The following CFLAR variants were observed in gnomAD, a reference collection of about 807,000 sequenced individuals.
The protein encoded by CFLAR is CASP8 and FADD like apoptosis regulator.
Under a neutral mutation model 51.1 loss-of-function variants are expected in CFLAR, and 14 were observed. That is an observed-to-expected ratio of 0.27 (90% CI 0.18 to 0.43). CFLAR has a LOEUF of 0.43. CFLAR is among the 20% of genes least tolerant of loss of function. The pLI is 1.00. For missense variants in CFLAR, 390 were observed against 566.5 expected, an observed-to-expected ratio of 0.69 and a Z score of 3.16; for synonymous variants, 210 against 211.6, an observed-to-expected ratio of 0.99 and a Z score of 0.06.
chr2:201,127,146 G>A (rs867908950), intron 1 of CFLAR, among the ~76,000 whole-genome samples: 2 of 152,180 alleles, frequency 1.3e-5, no homozygotes, highest in Non-Finnish European at 2.9e-5. Context: ...CACTTGGGGG[G>A]AGAAATGAAG....
chr2:201,129,812 T>A lies in CFLAR; in HGVS notation c.-54T>A. 1 of 1,527,004 alleles carries A rather than the reference T, an allele frequency of 6.5e-7. No homozygotes were observed. Among genetic ancestry groups the A allele is most frequent in the South Asian group, 1.2e-5 (1 of 81,358 alleles). The allele number at this position is 1,527,004 out of a possible 1,614,324, so 94.6% of individuals were successfully genotyped here. ...GACTGCCTGCTGGCTTTCTGTTGAC[T>A]GGCCCGGAGCTGTACTGCAAGACCC... On this transcript the variant is annotated 5_prime_UTR_variant, in exon 2 of 10. Coordinates refer to ENST00000309955, the MANE Select transcript of CFLAR (RefSeq NM_003879.7).
In CFLAR at chr2:201,138,730, A is replaced by G; in HGVS notation, c.524-1627A>G. Reference sequence around the variant, plus strand: ...GGGTGTGTGATAAAGCCCGGTTCAAACTTCTTGACCTTCTGCACCTCACTG... The same window carrying G: ...GGGTGTGTGATAAAGCCCGGTTCAAGCTTCTTGACCTTCTGCACCTCACTG... On this transcript the variant is annotated intron_variant, in intron 4 of 9. Transcript: ENST00000309955. The surrounding 1 kb of genome is among the most constrained non-coding windows in gnomAD (Gnocchi z 4.0). 1.3e-6 allele frequency: 1 copy of G among 787,096 alleles called. No individual in the cohort carries two copies. The highest frequency in any genetic ancestry group is 2.3e-6 in the Non-Finnish European group (1 of 436,016). 48.8% of individuals were successfully genotyped at this position (787,096 alleles called of 1,614,324 possible). A position where few individuals can be genotyped will look rare whatever the true frequency, so the allele number is the denominator to read the frequency against.
chr2:201,140,456 C>T lies in CFLAR; in HGVS notation c.606+17C>T. 6.4e-7 allele frequency: 1 copy of T among 1,564,742 alleles called. No homozygotes were observed. Among genetic ancestry groups the T allele is most frequent in the Non-Finnish European group, 8.6e-7 (1 of 1,156,268 alleles). On this transcript the variant is annotated intron_variant, in intron 5 of 9. Transcript: ENST00000309955. ...AACTTCAGGGTGAGTCTGGAGAAAA[C>T]ATATGGAATCCCAGCATGAAACCGT...
chr2:201,130,176 T>A, intron 2 of CFLAR, 30 bp downstream of exon 2: 1 of 66,722 alleles, frequency 1.5e-5, no homozygotes, highest in Non-Finnish European at 3.4e-5. Context: ...TGAGGCTGGG[T>A]GGGTGGGAGG....
At chr2:201,163,364 C>T (rs1362072297) in intron 9 of CFLAR, 15 of 1,155,670 alleles carry the variant, frequency 1.3e-5, no homozygotes, top group Non-Finnish European at 1.6e-5. Flanking sequence ...ACTCTAATTA[C>T]AATTTAGAAT....
chr2:201,145,822 A>G lies in CFLAR; in HGVS notation c.661+390A>G, dbSNP rs182810391. The stretch of plus-strand genomic sequence containing the variant: ...AAGTTCTTGTCTTACAGCCTATTTA[A>G]TAAATCTGGATACTCTACAGATGAT... On this transcript the variant is annotated intron_variant, in intron 6 of 9. Transcript: ENST00000309955. 6.1e-4 allele frequency: 103 copies of G among 168,596 alleles called. 2 individuals are homozygous for G. In the East Asian group the frequency reaches 0.016, roughly 27 times the overall value. The allele number at this position is 168,596 out of a possible 1,614,324, so 10.4% of individuals were successfully genotyped here.
At chr2:201,162,221 G>A (rs1290572221) in intron 9 of CFLAR, among the ~76,000 whole-genome samples, 3 of 152,048 alleles carry the variant, frequency 2.0e-5, no homozygotes, top group South Asian at 2.1e-4. Context: ...TCCTGCCTCA[G>A]TCTCCTGAGT....
intron 1 of CFLAR, among the ~76,000 whole-genome samples, chr2:201,129,125 G>C (rs890085693): frequency 3.3e-5 from 5 of 152,142 alleles, no homozygotes; most frequent in African/African-American, 1.2e-4. Flanking sequence ...TCATGATGTT[G>C]TGAAAAGGGC....
At position 201,166,481 on chromosome 2, in the gene CFLAR, G is replaced by C. The variant is rs9277311; in HGVS notation, c.*2508G>C. On this transcript the variant is annotated 3_prime_UTR_variant, in exon 10 of 10. Coordinates refer to ENST00000309955, the MANE Select transcript of CFLAR (RefSeq NM_003879.7). ...CAGAGAAGCTCCTCACATCCCAGAC[G>C]GGGGGGCGGGGCAGAGGCGCTCCCC... The C allele has an allele frequency of 1.1e-4, 18 of 168,126 alleles. No individual in the cohort carries two copies. The highest frequency in any genetic ancestry group is 2.5e-4 in the Admixed American group (4 of 15,730). The allele number at this position is 168,126 out of a possible 1,614,324, so 10.4% of individuals were successfully genotyped here. A position where few individuals can be genotyped will look rare whatever the true frequency, so the allele number is the denominator to read the frequency against.
intron 1 of CFLAR, among the ~76,000 whole-genome samples, chr2:201,119,774 CAAAGT>C (rs2047988894): frequency 6.6e-6 from 1 of 150,560 alleles, no homozygotes; most frequent in African/African-American, 2.4e-5. Flanking sequence ...AAAATACATG[CAAAGT>C]AAATAGAGAA....
rs1468453027 is a variant in CFLAR, at chr2:201,171,427, A to T, written c.*7454A>T. The T allele has an allele frequency of 3.9e-5, 6 of 152,200 alleles. No homozygotes were observed. Among genetic ancestry groups the T allele is most frequent in the Non-Finnish European group, 1.5e-5 (1 of 68,032 alleles). 9.4% of individuals were successfully genotyped at this position (152,200 alleles called of 1,614,324 possible). ...AGGAAACCAAACACCACATGTTCTC[A>T]CTTGTAAGCGGAAGCTGAACAATGA... On this transcript the variant is annotated 3_prime_UTR_variant, in exon 10 of 10. Transcript: ENST00000309955.
chr2:201,125,031 GACA>G (rs2048546605), intron 1 of CFLAR, among the ~76,000 whole-genome samples: 1 of 152,144 alleles, frequency 6.6e-6, no homozygotes, highest in South Asian at 2.1e-4. Context: ...CTGGCTTCAG[GACA>G]ACATGTGAGG....
chr2:201,160,691 G>A lies in CFLAR; in HGVS notation c.1053G>A (p.Lys351=). ...ATTCATGCCCTTATCTAGCAGGGAA[G>A]CCAAAGATGTTTTTTATTCAGAACT... ...MGDSCPYLAG[K]PKMFFIQNYV... The change falls in exon 9 of 10, where the codon AAG becomes AAA. Residue 351 remains lysine (K), a synonymous_variant. Transcript: ENST00000309955. 1 of 1,614,126 alleles carries A rather than the reference G, an allele frequency of 6.2e-7. No homozygotes were observed. The highest frequency in any genetic ancestry group is 1.1e-5 in the South Asian group (1 of 91,068).
At chr2:201,132,430 A>AATATATATATATATATATATATAT (rs35648857) in intron 2 of CFLAR, among the ~76,000 whole-genome samples, 2 of 137,960 alleles carry the variant, frequency 1.4e-5, no homozygotes, top group African/African-American at 5.5e-5. Context: ...GGGGGGGAAA[A>AATATATATATATATATATATATAT]ATATATATAT....
rs755911640 is a variant in CFLAR at position 201,140,341 on chromosome 2, C to T, written c.524-16C>T. 2.0e-5 allele frequency: 32 copies of T among 1,592,208 alleles called. No individual in the cohort carries two copies. The highest frequency in any genetic ancestry group is 2.5e-5 in the Non-Finnish European group (29 of 1,165,686). On this transcript the variant is annotated splice_polypyrimidine_tract_variant and intron_variant, in intron 4 of 9. Transcript: ENST00000309955. ...TTTGTAAGTTTTAACTCAGTACCTC[C>T]CTTCTGCTTTTATAGTTCAAGGAGC...
In CFLAR at chr2:201,166,653, C is replaced by A. The variant is rs1025899098; in HGVS notation, c.*2680C>A. 1 of 176,748 alleles carries A rather than the reference C, an allele frequency of 5.7e-6. No homozygotes were observed. The highest frequency in any genetic ancestry group is 1.2e-5 in the Non-Finnish European group (1 of 84,690). 10.9% of individuals were successfully genotyped at this position (176,748 alleles called of 1,614,324 possible). A position where few individuals can be genotyped will look rare whatever the true frequency, so the allele number is the denominator to read the frequency against. ...GAGGCCGTAGCCAGCTGAGATCACACCACTGCACTCCAGCCTGGGCAACAT... is the reference window on the plus strand; with the variant it reads ...GAGGCCGTAGCCAGCTGAGATCACAACACTGCACTCCAGCCTGGGCAACAT... On this transcript the variant is annotated 3_prime_UTR_variant, in exon 10 of 10. Transcript: ENST00000309955.
intron 4 of CFLAR, 149 bp downstream of exon 4, chr2:201,136,256 G>T (rs185135122): frequency 1.9e-6 from 3 of 1,602,592 alleles, no homozygotes; most frequent in African/African-American, 1.3e-5. Flanking sequence ...TAGAAATCGC[G>T]TCCCTTTATA....
In CFLAR at chr2:201,138,938, C is replaced by G; in HGVS notation, c.524-1419C>G. On this transcript the variant is annotated intron_variant, in intron 4 of 9. Transcript: ENST00000309955. The surrounding 1 kb of genome is among the most constrained non-coding windows in gnomAD (Gnocchi z 4.0). Reference sequence around the variant, plus strand: ...CTCATCAGCTATGAAGTCTATGAATCCTGGGAGAATCAAGAAGTCGTTGTA... The same window carrying G: ...CTCATCAGCTATGAAGTCTATGAATGCTGGGAGAATCAAGAAGTCGTTGTA... 2 of 624,952 alleles carry G rather than the reference C, an allele frequency of 3.2e-6. No individual in the cohort carries two copies. Among genetic ancestry groups the G allele is most frequent in the South Asian group, 2.7e-5 (2 of 73,166 alleles). The allele number at this position is 624,952 out of a possible 1,614,324, so 38.7% of individuals were successfully genotyped here.
chr2:201,119,511 G>C (rs1038158377), intron 1 of CFLAR, among the ~76,000 whole-genome samples: 16 of 152,030 alleles, frequency 1.1e-4, no homozygotes. Flanking sequence ...TGCAGAACCC[G>C]GTCGTTCTTT....
Sources: gnomAD v4.1 joint callset for allele counts (sites outside exome capture counted in the v4.1 genomes callset) on GRCh38, gnomAD v4.1.1 for gene constraint, Gnocchi (gnomAD v3.1) non-coding constraint, MANE v1.5 for transcripts, NCBI Gene and HGNC (gene_info 2026-07-23, HGNC 2026-07-21) for gene names.